The following CCBE1 variants were observed in gnomAD, a reference collection of about 807,000 sequenced individuals.
CCBE1 encodes the protein collagen and calcium binding EGF domains 1.
A neutral mutation model predicts 50.0 loss-of-function variants in CCBE1; 37 were observed. The ratio of observed to expected loss-of-function variants is 0.74; its 90% confidence interval spans 0.57 to 0.97. The LOEUF (loss-of-function observed/expected upper bound fraction) is 0.97, where lower values mean the gene tolerates loss of function less well. Ranked by LOEUF, CCBE1 falls within the 50% of genes least tolerant of loss-of-function variation. CCBE1 has a pLI of 0.00. For missense variants in CCBE1, 538 were observed against 523.8 expected, an observed-to-expected ratio of 1.03 and a Z score of -0.26; for synonymous variants, 234 against 203.7, an observed-to-expected ratio of 1.15 and a Z score of -1.27.
At chr18:59,660,387 C>T (rs149822245) in intron 2 of CCBE1, among the ~76,000 whole-genome samples, 5 of 151,990 alleles carry the variant, frequency 3.3e-5, no homozygotes, top group African/African-American at 1.2e-4. Context: ...TTACACTGAT[C>T]GGTCTTGCTT....
chr18:59,693,001 C>A (rs920951143), intron 2 of CCBE1, among the ~76,000 whole-genome samples: 94 of 145,454 alleles, frequency 6.5e-4, no homozygotes, highest in African/African-American at 2.3e-3. Context: ...CACACACACA[C>A]ACAAACAAAA....
intron 2 of CCBE1, among the ~76,000 whole-genome samples, chr18:59,658,866 C>T: frequency 1.9e-5 from 2 of 103,086 alleles, no homozygotes; most frequent in Admixed American, 1.6e-4. Flanking sequence ...GGCAACAGAG[C>T]AAGACTCTGT....
At chr18:59,671,198 A>G (rs1436928889) in intron 2 of CCBE1, among the ~76,000 whole-genome samples, 1 of 151,856 alleles carries the variant, frequency 6.6e-6, no homozygotes, top group Non-Finnish European at 1.5e-5. Context: ...GTACCCTACA[A>G]TAAGAAGTGA....
At chr18:59,669,468 G>T (rs898189015) in intron 2 of CCBE1, among the ~76,000 whole-genome samples, 4 of 152,234 alleles carry the variant, frequency 2.6e-5, no homozygotes, top group Admixed American at 6.5e-5. Context: ...GCACTGGAAG[G>T]TGAGGTACAG....
At chr18:59,522,993 C>CAAAAAAAAAAAAA (rs57217059) in intron 2 of CCBE1, among the ~76,000 whole-genome samples, 16 of 89,220 alleles carry the variant, frequency 1.8e-4, no homozygotes, top group African/African-American at 3.7e-4. Context: ...GACTCTGTTT[C>CAAAAAAAAAAAAA]AAAAAAAAAA....
intron 7 of CCBE1, among the ~76,000 whole-genome samples, chr18:59,444,754 G>A (rs866667956): frequency 1.3e-5 from 2 of 152,186 alleles, no homozygotes; most frequent in Non-Finnish European, 1.5e-5. Context: ...CCTAATGGGT[G>A]TGGGATGGCA....
intron 5 of CCBE1, among the ~76,000 whole-genome samples, chr18:59,457,421 A>T (rs1231609944): frequency 6.6e-6 from 1 of 152,176 alleles, no homozygotes; most frequent in African/African-American, 2.4e-5. Context: ...TGGGCAGGTT[A>T]CTTGGCCTCC....
At chr18:59,665,347 G>C (rs2054339472) in intron 2 of CCBE1, among the ~76,000 whole-genome samples, 1 of 152,166 alleles carries the variant, frequency 6.6e-6, no homozygotes, top group Non-Finnish European at 1.5e-5. Flanking sequence ...TCGCATTAAA[G>C]GCCTCCAGTG....
intron 6 of CCBE1, among the ~76,000 whole-genome samples, chr18:59,454,569 G>C (rs1169219771): frequency 6.6e-6 from 1 of 152,102 alleles, no homozygotes; most frequent in Non-Finnish European, 1.5e-5. Flanking sequence ...ATGAGAAGTT[G>C]CAATAGCCGT....
chr18:59,685,138 AT>A (rs376778357), intron 2 of CCBE1, among the ~76,000 whole-genome samples: 4 of 151,978 alleles, frequency 2.6e-5, no homozygotes, highest in African/African-American at 9.7e-5. Flanking sequence ...AGCAAAATAT[AT>A]TTTTTTTAAT....
At chr18:59,579,274 G>GA (rs2053048616) in intron 2 of CCBE1, among the ~76,000 whole-genome samples, 2 of 151,864 alleles carry the variant, frequency 1.3e-5, no homozygotes, top group Admixed American at 1.3e-4. Flanking sequence ...GCAGGAAAAT[G>GA]AAAAAAGCAA....
intron 2 of CCBE1, among the ~76,000 whole-genome samples, chr18:59,650,346 GA>G (rs2144664790): frequency 6.6e-6 from 1 of 150,834 alleles, no homozygotes; most frequent in East Asian, 2.0e-4. Context: ...ACTCCAAGCA[GA>G]AGAGGCTCCA....
At chr18:59,589,385 CTAAG>C (rs991839728) in intron 2 of CCBE1, among the ~76,000 whole-genome samples, 38 of 152,308 alleles carry the variant, frequency 2.5e-4, no homozygotes, top group African/African-American at 9.1e-4. Flanking sequence ...CAAAGACCAG[CTAAG>C]TAAGTCCAAT....
intron 2 of CCBE1, among the ~76,000 whole-genome samples, chr18:59,523,623 G>A (rs1048352690): frequency 4.6e-5 from 7 of 152,072 alleles, no homozygotes; most frequent in Non-Finnish European, 8.8e-5. Flanking sequence ...TAACGAATTA[G>A]CACTTGATTG....
At chr18:59,476,585 T>G (rs764872788) in intron 3 of CCBE1, among the ~76,000 whole-genome samples, 41 of 152,264 alleles carry the variant, frequency 2.7e-4, no homozygotes, top group Non-Finnish European at 5.6e-4. Flanking sequence ...GGTTTGACTG[T>G]GTTCCAATAA....
chr18:59,680,856 C>T (rs1296225717), intron 2 of CCBE1, among the ~76,000 whole-genome samples: 1 of 152,106 alleles, frequency 6.6e-6, no homozygotes, highest in Admixed American at 6.6e-5. Flanking sequence ...GACAGATTAA[C>T]TTGCAAGCAG....
chr18:59,517,016 T>A (rs1355237347), intron 2 of CCBE1, among the ~76,000 whole-genome samples: 1 of 152,224 alleles, frequency 6.6e-6, no homozygotes, highest in Admixed American at 6.5e-5. Context: ...GTATATCACT[T>A]CTTCTTCCTT....
intron 5 of CCBE1, among the ~76,000 whole-genome samples, chr18:59,455,436 C>T (rs547846925): frequency 4.6e-5 from 7 of 152,228 alleles, no homozygotes; most frequent in South Asian, 2.1e-4. Flanking sequence ...CTGACCTCAC[C>T]GACGCGTGAG....
chr18:59,528,575 G>A (rs1054683425), intron 2 of CCBE1, among the ~76,000 whole-genome samples: 1 of 152,090 alleles, frequency 6.6e-6, no homozygotes, highest in Non-Finnish European at 1.5e-5. Context: ...GCGTTTTTTT[G>A]TTGATTTTTT....
Sources: gnomAD v4.1 joint callset for allele counts (sites outside exome capture counted in the v4.1 genomes callset) on GRCh38, gnomAD v4.1.1 for gene constraint, MANE v1.5 for transcripts, NCBI Gene and HGNC (gene_info 2026-07-23, HGNC 2026-07-21) for gene names.